The following IMMP2L variants were observed in gnomAD, a reference collection of about 807,000 sequenced individuals.
IMMP2L encodes the protein mitochondrial inner membrane protease subunit 2.
Under a neutral mutation model 19.3 loss-of-function variants are expected in IMMP2L, and 18 were observed. The ratio of observed to expected loss-of-function variants is 0.93; its 90% CI spans 0.64 to 1.38. The LOEUF (loss-of-function observed/expected upper bound fraction) is 1.38. IMMP2L is among the 40% of genes most tolerant of loss of function. The pLI is 0.00. For synonymous variants in IMMP2L, 76 were observed against 73.0 expected, an observed-to-expected ratio of 1.04 and a Z score of -0.21; for missense variants, 233 against 218.2, an observed-to-expected ratio of 1.07 and a Z score of -0.43.
intron 3 of IMMP2L, among the ~76,000 whole-genome samples, chr7:111,458,501 A>G (rs1839870457): frequency 6.6e-6 from 1 of 152,108 alleles, no homozygotes. Flanking sequence ...AACTACCCTA[A>G]ATTACCAATA....
At chr7:110,980,261 T>A (rs1404079031) in intron 3 of IMMP2L, among the ~76,000 whole-genome samples, 1 of 139,282 alleles carries the variant, frequency 7.2e-6, no homozygotes, top group Non-Finnish European at 1.5e-5. Context: ...GGAGTCTCGC[T>A]CTGTCGCCCA....
intron 3 of IMMP2L, among the ~76,000 whole-genome samples, chr7:110,967,561 C>A (rs1424287594): frequency 1.3e-5 from 2 of 151,952 alleles, no homozygotes; most frequent in Non-Finnish European, 2.9e-5. Flanking sequence ...ATTAAAGTAA[C>A]CTTAGCCACA....
chr7:110,990,171 T>C (rs1563139351), intron 3 of IMMP2L, among the ~76,000 whole-genome samples: 1 of 152,178 alleles, frequency 6.6e-6, no homozygotes, highest in Admixed American at 6.5e-5. Flanking sequence ...ATACATACTG[T>C]GACAATATCC....
intron 2 of IMMP2L, among the ~76,000 whole-genome samples, chr7:111,489,452 G>C (rs559492706): frequency 1.3e-5 from 2 of 152,224 alleles, no homozygotes; most frequent in African/African-American, 4.8e-5. Context: ...AAGGTGCCAA[G>C]CTTCCTCTCC....
chr7:111,373,057 A>C (rs1189715868), intron 3 of IMMP2L, among the ~76,000 whole-genome samples: 4 of 151,852 alleles, frequency 2.6e-5, no homozygotes, highest in Non-Finnish European at 5.9e-5. Flanking sequence ...ATATCTTCCA[A>C]TGTTTTCATT....
chr7:111,139,797 T>C (rs112741374), intron 3 of IMMP2L, among the ~76,000 whole-genome samples: 7 of 152,282 alleles, frequency 4.6e-5, no homozygotes, highest in Admixed American at 2.0e-4. Context: ...GAATACCTAT[T>C]AAAATGTATT....
intron 3 of IMMP2L, among the ~76,000 whole-genome samples, chr7:111,374,166 T>C (rs147466519): frequency 6.6e-6 from 1 of 152,206 alleles, no homozygotes; most frequent in Non-Finnish European, 1.5e-5. Flanking sequence ...GCTCACATGC[T>C]AAAGCTTGAT....
chr7:111,462,268 T>C (rs1432924594), intron 3 of IMMP2L, among the ~76,000 whole-genome samples: 4 of 152,072 alleles, frequency 2.6e-5, no homozygotes, highest in Non-Finnish European at 5.9e-5. Context: ...TTTATAATCA[T>C]TAAACAAAGT....
At chr7:111,509,191 T>C (rs1191960197) in intron 2 of IMMP2L, among the ~76,000 whole-genome samples, 1 of 152,102 alleles carries the variant, frequency 6.6e-6, no homozygotes, top group East Asian at 1.9e-4. Flanking sequence ...TTTACAGAGT[T>C]TGTTAATGCA....
intron 3 of IMMP2L, among the ~76,000 whole-genome samples, chr7:111,220,879 G>A (rs375131478): frequency 2.6e-5 from 4 of 151,898 alleles, no homozygotes; most frequent in Admixed American, 6.6e-5. Flanking sequence ...ACAGTTCAAC[G>A]GTTAGGCAGA....
chr7:111,505,635 C>T (rs62464584), intron 2 of IMMP2L, among the ~76,000 whole-genome samples: 8,656 of 152,146 alleles, frequency 0.057, 370 homozygotes, highest in Non-Finnish European at 0.087. Flanking sequence ...GAATACTATG[C>T]AGCCATAAAA....
At chr7:111,432,886 C>T (rs575602238) in intron 3 of IMMP2L, among the ~76,000 whole-genome samples, 1 of 150,394 alleles carries the variant, frequency 6.6e-6, no homozygotes, top group African/African-American at 2.5e-5. Flanking sequence ...AAATCAGTAG[C>T]ATTTCTATAC....
chr7:111,394,556 G>A (rs907684590), intron 3 of IMMP2L, among the ~76,000 whole-genome samples: 6 of 151,964 alleles, frequency 3.9e-5, no homozygotes, highest in Non-Finnish European at 5.9e-5. Flanking sequence ...ACTCTGATGG[G>A]GTTATGTAAG....
At chr7:111,341,178 C>T (rs1826972601) in intron 3 of IMMP2L, among the ~76,000 whole-genome samples, 1 of 152,094 alleles carries the variant, frequency 6.6e-6, no homozygotes, top group Non-Finnish European at 1.5e-5. Context: ...AATTCGTCTA[C>T]TAATCAGCTG....
At chr7:111,551,922 G>C (rs1326362270) in intron 1 of IMMP2L, among the ~76,000 whole-genome samples, 3 of 152,080 alleles carry the variant, frequency 2.0e-5, no homozygotes, top group African/African-American at 7.2e-5. Context: ...AGGCAAGGTA[G>C]AGCAAGTACT....
At chr7:111,188,218 CAT>C (rs1268060606) in intron 3 of IMMP2L, among the ~76,000 whole-genome samples, 43 of 152,138 alleles carry the variant, frequency 2.8e-4, no homozygotes, top group Non-Finnish European at 5.9e-5. Flanking sequence ...CTGTATCCCA[CAT>C]GTTTCAAGTC....
At chr7:111,155,863 C>T (rs544365795) in intron 3 of IMMP2L, among the ~76,000 whole-genome samples, 3 of 152,134 alleles carry the variant, frequency 2.0e-5, no homozygotes, top group Admixed American at 2.0e-4. Flanking sequence ...CCCTTACACC[C>T]CATCCCAGTG....
intron 1 of IMMP2L, among the ~76,000 whole-genome samples, chr7:111,544,159 ACAC>A (rs1293270759): frequency 1.3e-5 from 2 of 151,984 alleles, no homozygotes; most frequent in African/African-American, 4.8e-5. Flanking sequence ...CAGAAACCAA[ACAC>A]CACATGTTCT....
chr7:110,734,904 C>A (rs573640173), intron 5 of IMMP2L, among the ~76,000 whole-genome samples: 58 of 152,260 alleles, frequency 3.8e-4, no homozygotes, highest in African/African-American at 1.4e-3. Flanking sequence ...GCTCTCTTGT[C>A]AGTTAAGTAG....
Sources: allele counts gnomAD v4.1 joint callset (sites outside exome capture counted in the v4.1 genomes callset), GRCh38; gene constraint gnomAD v4.1.1; transcripts MANE v1.5; gene names NCBI Gene and HGNC (gene_info 2026-07-23, HGNC 2026-07-21).